The following CEP112 variants were observed in gnomAD, a reference collection of about 807,000 sequenced individuals.
CEP112 encodes the protein centrosomal protein 112, also known as centrosomal protein of 112 kDa.
In CEP112, 127 loss-of-function variants were observed where a neutral mutation model predicts 153.0. The ratio of observed to expected loss-of-function variants is 0.83; its 90% CI spans 0.72 to 0.96. The LOEUF (loss-of-function observed/expected upper bound fraction) is 0.96, where lower values mean the gene tolerates loss of function less well. Ranked by LOEUF, CEP112 falls within the 40% of genes least tolerant of loss-of-function variation. The pLI is 0.00. For synonymous variants in CEP112, 358 were observed against 374.4 expected (o/e 0.96, Z 0.51); for missense variants, 1,089 against 1,101.2 (o/e 0.99, Z 0.16).
At chr17:65,795,964 A>C (rs1457567486) in intron 21 of CEP112, among the ~76,000 whole-genome samples, 1 of 152,178 alleles carries the variant, frequency 6.6e-6, no homozygotes, top group East Asian at 1.9e-4. Context: ...GCTCTCATTT[A>C]CCCATTTCAG....
intron 20 of CEP112, among the ~76,000 whole-genome samples, chr17:65,894,149 G>C (rs2059581841): frequency 6.6e-6 from 1 of 152,028 alleles, no homozygotes; most frequent in African/African-American, 2.4e-5. Context: ...TCGAGGCCTA[G>C]GTGAAAAGGA....
intron 6 of CEP112, among the ~76,000 whole-genome samples, chr17:66,119,327 C>A (rs1323335689): frequency 6.6e-6 from 1 of 152,108 alleles, no homozygotes. Flanking sequence ...TGCACATGTA[C>A]CCCAGAACTT....
At chr17:66,052,714 T>C (rs1028311544) in intron 12 of CEP112, among the ~76,000 whole-genome samples, 21 of 152,202 alleles carry the variant, frequency 1.4e-4, no homozygotes, top group African/African-American at 4.6e-4. Flanking sequence ...GTGGTCACAC[T>C]ACTCCAATCT....
intron 16 of CEP112, among the ~76,000 whole-genome samples, chr17:66,009,327 T>C (rs2064413912): frequency 6.6e-6 from 1 of 152,124 alleles, no homozygotes; most frequent in South Asian, 2.1e-4. Flanking sequence ...ATGTTTCATA[T>C]ACCTGTTATT....
chr17:65,889,833 C>A (rs1280418682), intron 20 of CEP112, among the ~76,000 whole-genome samples: 2 of 152,006 alleles, frequency 1.3e-5, no homozygotes, highest in Non-Finnish European at 2.9e-5. Flanking sequence ...ATTGTCACTG[C>A]CTTGGCTAAG....
intron 6 of CEP112, among the ~76,000 whole-genome samples, chr17:66,111,496 T>G (rs189450996): frequency 6.6e-6 from 1 of 152,266 alleles, no homozygotes; most frequent in African/African-American, 2.4e-5. Context: ...ATACTGTACA[T>G]ATACCCACGG....
chr17:65,926,194 T>C (rs553158187), intron 19 of CEP112, among the ~76,000 whole-genome samples: 1 of 152,310 alleles, frequency 6.6e-6, no homozygotes, highest in South Asian at 2.1e-4. Flanking sequence ...CATCATCATT[T>C]ATTTTCCTTG....
intron 21 of CEP112, among the ~76,000 whole-genome samples, chr17:65,773,013 A>G (rs2053470303): frequency 6.6e-6 from 1 of 152,252 alleles, no homozygotes; most frequent in African/African-American, 2.4e-5. Flanking sequence ...GAATGAATCT[A>G]AACCTCTCAA....
chr17:65,922,663 C>A lies in CEP112; in HGVS notation c.1980+4919G>T, dbSNP rs77528228. ...TACACTCATCCTGTAGTATCATAAC[C>A]TCTGACTAGCATTTGTGTTACATAA... is the stretch of plus-strand genomic sequence containing the variant. On this transcript the variant is annotated intron_variant, in intron 19 of 26. Coordinates refer to ENST00000535342, the MANE Select transcript of CEP112 (RefSeq NM_001199165.4). Among the ~76,000 whole-genome samples, 917 of 152,198 alleles carry A rather than the reference C, an allele frequency of 6.0e-3. 8 individuals carry two copies. The highest frequency in any genetic ancestry group is 0.021 in the African/African-American group (882 of 41,506).
intron 23 of CEP112, among the ~76,000 whole-genome samples, chr17:65,718,575 T>C (rs188651981): frequency 1.3e-5 from 2 of 152,324 alleles, no homozygotes; most frequent in Non-Finnish European, 2.9e-5. Context: ...CTAAATTCTA[T>C]TGACTTTATT....
chr17:66,040,373 C>T (rs770550758), intron 12 of CEP112, among the ~76,000 whole-genome samples: 2 of 151,824 alleles, frequency 1.3e-5, no homozygotes, highest in Non-Finnish European at 2.9e-5. Context: ...AAATACATTG[C>T]TCTTTTTTAT....
intron 20 of CEP112, among the ~76,000 whole-genome samples, chr17:65,880,772 C>T (rs2059033496): frequency 6.6e-6 from 1 of 152,194 alleles, no homozygotes; most frequent in African/African-American, 2.4e-5. Context: ...GTGGCCAGTG[C>T]TCAACATCAG....
At chr17:65,960,382 T>C (rs576838233) in intron 18 of CEP112, among the ~76,000 whole-genome samples, 2 of 152,344 alleles carry the variant, frequency 1.3e-5, no homozygotes, top group South Asian at 4.1e-4. Context: ...GCCTGTAACA[T>C]ATTAATGCAT....
chr17:66,105,547 A>C lies in CEP112; in HGVS notation c.643-8915T>G, dbSNP rs368236621. Among the ~76,000 whole-genome samples, 7 of 152,148 alleles carry C rather than the reference A, an allele frequency of 4.6e-5. No homozygotes were observed. In the East Asian group the frequency reaches 9.6e-4, roughly 21 times the overall value. On this transcript the variant is annotated intron_variant, in intron 6 of 26. Transcript: ENST00000535342. ...AGTGGCTCATGCCTGTAATCCCAGCACTTTGGGAGGCCACGGTGGGCAGAT... is the reference window on the plus strand; with the variant it reads ...AGTGGCTCATGCCTGTAATCCCAGCCCTTTGGGAGGCCACGGTGGGCAGAT...
intron 23 of CEP112, among the ~76,000 whole-genome samples, chr17:65,729,769 T>C (rs12325672): frequency 0.55 from 83,551 of 151,944 alleles, 23,284 homozygotes; most frequent in South Asian, 0.72. Context: ...ACTAGCTGGG[T>C]GTGGTGACGC....
intron 19 of CEP112, among the ~76,000 whole-genome samples, chr17:65,905,922 G>A (rs925890473): frequency 4.0e-5 from 6 of 151,686 alleles, no homozygotes; most frequent in African/African-American, 1.2e-4. Flanking sequence ...TCCAGCCTGG[G>A]CAACAGGGCC....
chr17:65,832,028 CTAAGAA>C (rs2057102233), intron 21 of CEP112, among the ~76,000 whole-genome samples: 1 of 152,104 alleles, frequency 6.6e-6, no homozygotes, highest in East Asian at 1.9e-4. Flanking sequence ...GAAGGCAAGA[CTAAGAA>C]TATCATTCAA....
chr17:66,066,755 T>G lies in CEP112; in HGVS notation c.955+23A>C, dbSNP rs531999115. On this transcript the variant is annotated intron_variant, in intron 10 of 26. Coordinates refer to ENST00000535342, the MANE Select transcript of CEP112 (RefSeq NM_001199165.4). ...ATAAAATGGAAATGTTATTAAAAGA[T>G]GTATGTAACAACACAACATCACCTT... The G allele has an allele frequency of 4.4e-6, 6 of 1,376,518 alleles. No homozygotes were observed. The South Asian group carries it at 7.5e-5, about 17-fold the overall frequency. The allele number at this position is 1,376,518 out of a possible 1,614,324, so 85.3% of individuals were successfully genotyped here.
intron 21 of CEP112, among the ~76,000 whole-genome samples, chr17:65,770,564 TA>T (rs372243605): frequency 6.6e-6 from 1 of 152,036 alleles, no homozygotes; most frequent in African/African-American, 2.4e-5. Context: ...GTACTGGACA[TA>T]AAAAAAGTGT....
Sources: gnomAD v4.1 joint callset for allele counts (sites outside exome capture counted in the v4.1 genomes callset) on GRCh38, gnomAD v4.1.1 for gene constraint, MANE v1.5 for transcripts, NCBI Gene and HGNC (gene_info 2026-07-23, HGNC 2026-07-21) for gene names.